ARHGAP44: variants seen among roughly 807,000 people sequenced by gnomAD.
The protein encoded by ARHGAP44 is Rho GTPase activating protein 44, also known as rho GTPase-activating protein 44.
ARHGAP44 carries 43 observed loss-of-function variants against 106.8 expected under a neutral mutation model. That is an observed-to-expected ratio of 0.40 (90% CI 0.32 to 0.52). ARHGAP44 has a LOEUF of 0.52. Among genes scored for constraint, ARHGAP44 ranks in the 20% least tolerant of loss-of-function variants. The pLI is 0.48. For synonymous variants in ARHGAP44, 439 were observed against 410.3 expected (o/e 1.07, Z -0.85); for missense variants, 866 against 1,050.5 (o/e 0.82, Z 2.43).
At position 12,892,325 on chromosome 17, in the gene ARHGAP44, T is replaced by C. The variant is rs184278313; in HGVS notation, c.54-2615T>C. Reference sequence around the variant, plus strand: ...AATCTGCTGTCATTCTAATTGCTTTTCCCCCATTGTTAAGGTATCATTTCT... The same window carrying C: ...AATCTGCTGTCATTCTAATTGCTTTCCCCCCATTGTTAAGGTATCATTTCT... On this transcript the variant is annotated intron_variant, in intron 1 of 20. Transcript: ENST00000379672. Among the ~76,000 whole-genome samples the C allele has an allele frequency of 4.1e-3, 623 of 151,592 alleles. 1 individual carries two copies. The highest frequency in any genetic ancestry group is 7.0e-3 in the Non-Finnish European group (473 of 68,040).
chr17:12,926,500 T>C (rs979099480), intron 6 of ARHGAP44, among the ~76,000 whole-genome samples: 13 of 143,236 alleles, frequency 9.1e-5, no homozygotes, highest in East Asian at 2.1e-4. Flanking sequence ...ATAATATATG[T>C]ATATATATTA....
chr17:12,949,821 G>T lies in ARHGAP44; in HGVS notation c.1055+91G>T. On this transcript the variant is annotated intron_variant, in intron 12 of 20. Coordinates refer to ENST00000379672, the MANE Select transcript of ARHGAP44 (RefSeq NM_014859.6). The surrounding 1 kb of genome is among the most constrained non-coding windows in gnomAD (Gnocchi z 4.1). ...ATAGAAGCATGTAACCTATGATCTC[G>T]CAACCCCGTTTCTTGATCTCTGCCA... The T allele has an allele frequency of 7.8e-7, 1 of 1,278,864 alleles. No homozygotes were observed. Among genetic ancestry groups the T allele is most frequent in the East Asian group, 2.3e-5 (1 of 42,670 alleles). The allele number at this position is 1,278,864 out of a possible 1,614,324, so 79.2% of individuals were successfully genotyped here.
At chr17:12,902,916 T>C (rs2037415613) in intron 3 of ARHGAP44, among the ~76,000 whole-genome samples, 1 of 152,166 alleles carries the variant, frequency 6.6e-6, no homozygotes, top group Non-Finnish European at 1.5e-5. Context: ...AACCTGATGC[T>C]GTTAGCAGTG....
intron 6 of ARHGAP44, among the ~76,000 whole-genome samples, chr17:12,927,705 C>T (rs570136361): frequency 2.2e-4 from 34 of 152,302 alleles, no homozygotes; most frequent in African/African-American, 8.2e-4. Flanking sequence ...TGAACAGCTA[C>T]CCTCTCTTAA....
Position 12,859,385 on chromosome 17 carries a change from G to A in ARHGAP44, c.54-35555G>A, listed in dbSNP as rs530013884. Among the ~76,000 whole-genome samples, 5 of 152,228 alleles carry A rather than the reference G, an allele frequency of 3.3e-5. No homozygotes were observed. In the East Asian group the frequency reaches 7.7e-4, roughly 24 times the overall value. ...ACCTAGCATGTGGTACTTCATTATGGCAGCCATAGGGAACTAATACAGGAG... is the reference window on the plus strand; with the variant it reads ...ACCTAGCATGTGGTACTTCATTATGACAGCCATAGGGAACTAATACAGGAG... On this transcript the variant is annotated intron_variant, in intron 1 of 20. Transcript: ENST00000379672.
intron 18 of ARHGAP44, among the ~76,000 whole-genome samples, chr17:12,974,844 G>A (rs2039635337): frequency 7.3e-6 from 1 of 137,820 alleles, no homozygotes; most frequent in Middle Eastern, 3.5e-3. Context: ...TGAATGTGGT[G>A]TCTCTCAATT....
intron 1 of ARHGAP44, among the ~76,000 whole-genome samples, chr17:12,887,881 A>G (rs1268232717): frequency 3.0e-5 from 4 of 135,330 alleles, no homozygotes; most frequent in Non-Finnish European, 4.7e-5. Flanking sequence ...TTTTTTTTTT[A>G]GGAATTTGTC....
At chr17:12,894,645 T>C (rs944292954) in intron 1 of ARHGAP44, among the ~76,000 whole-genome samples, 1 of 152,218 alleles carries the variant, frequency 6.6e-6, no homozygotes, top group African/African-American at 2.4e-5. Flanking sequence ...GAAACCTTAA[T>C]TCTGATACTT....
At chr17:12,948,723 T>TACACACACACACACACACACACACACAC (rs71369353) in intron 10 of ARHGAP44, among the ~76,000 whole-genome samples, 29 of 29,362 alleles carry the variant, frequency 9.9e-4, no homozygotes, top group South Asian at 1.6e-3. Context: ...CCAACACACA[T>TACACACACACACACACACACACACACAC]ACACACACAC....
At chr17:12,952,020 C>T (rs2039002958) in intron 12 of ARHGAP44, among the ~76,000 whole-genome samples, 1 of 152,142 alleles carries the variant, frequency 6.6e-6, no homozygotes, top group African/African-American at 2.4e-5. Flanking sequence ...GATGGGACAT[C>T]CGGGGGCCAC....
At chr17:12,889,120 G>A (rs2036966619) in intron 1 of ARHGAP44, among the ~76,000 whole-genome samples, 1 of 151,846 alleles carries the variant, frequency 6.6e-6, no homozygotes, top group Non-Finnish European at 1.5e-5. Flanking sequence ...TTTATTTTTT[G>A]TTTTCTGTTC....
chr17:12,807,873 G>A (rs1224031863), intron 1 of ARHGAP44, among the ~76,000 whole-genome samples: 1 of 152,160 alleles, frequency 6.6e-6, no homozygotes, highest in Non-Finnish European at 1.5e-5. Flanking sequence ...CTGAGACAAG[G>A]CAAGTCTCTT....
intron 13 of ARHGAP44, among the ~76,000 whole-genome samples, chr17:12,954,222 G>A (rs2039072136): frequency 6.6e-6 from 1 of 152,110 alleles, no homozygotes; most frequent in Admixed American, 6.5e-5. Flanking sequence ...ATCGGGACAA[G>A]GTTTAGCTAG....
At chr17:12,891,393 C>T (rs997783449) in intron 1 of ARHGAP44, among the ~76,000 whole-genome samples, 5 of 152,206 alleles carry the variant, frequency 3.3e-5, no homozygotes, top group African/African-American at 9.6e-5. Context: ...GAGGAGCTAG[C>T]GTCTGGCAAG....
chr17:12,963,842 C>T (rs2039327332), intron 16 of ARHGAP44, among the ~76,000 whole-genome samples: 1 of 152,200 alleles, frequency 6.6e-6, no homozygotes, highest in Admixed American at 6.5e-5. Flanking sequence ...AATCCTTCAA[C>T]CTGTCCCAAA....
intron 14 of ARHGAP44, 132 bp from the exon 15 acceptor site, chr17:12,956,523 T>G (rs1353004409): frequency 1.5e-6 from 1 of 680,170 alleles, no homozygotes; most frequent in East Asian, 2.7e-5. Context: ...AGAGAAAGTC[T>G]GCTCTCAAAC....
At chr17:12,945,651 G>A (rs1458586516) in intron 10 of ARHGAP44, among the ~76,000 whole-genome samples, 1 of 152,148 alleles carries the variant, frequency 6.6e-6, no homozygotes, top group Non-Finnish European at 1.5e-5. Context: ...GTGAGCATGC[G>A]GGTGTATGTG....
chr17:12,913,388 T>A (rs1005863381), intron 4 of ARHGAP44, among the ~76,000 whole-genome samples: 1 of 151,962 alleles, frequency 6.6e-6, no homozygotes, highest in Non-Finnish European at 1.5e-5. Flanking sequence ...AACAAATAAG[T>A]GTGCAGGGAA....
chr17:12,830,651 C>A (rs1375974363), intron 1 of ARHGAP44, among the ~76,000 whole-genome samples: 2 of 152,170 alleles, frequency 1.3e-5, no homozygotes, highest in African/African-American at 4.8e-5. Flanking sequence ...AGAGTTAAGA[C>A]CTCCCCCACT....
Sources: gnomAD v4.1 joint callset for allele counts (sites outside exome capture counted in the v4.1 genomes callset) on GRCh38, gnomAD v4.1.1 for gene constraint, Gnocchi (gnomAD v3.1) non-coding constraint, MANE v1.5 for transcripts, NCBI Gene and HGNC (gene_info 2026-07-23, HGNC 2026-07-21) for gene names.